GPATCH2: variants seen among roughly 807,000 people sequenced by gnomAD.
GPATCH2 encodes G patch domain-containing protein 2.
In GPATCH2, 51 loss-of-function variants were observed where a neutral mutation model predicts 58.0. The observed-to-expected ratio is 0.88, with a 90% CI of 0.70 to 1.11. The LOEUF (loss-of-function observed/expected upper bound fraction) is 1.11. Among genes scored for constraint, GPATCH2 ranks in the 50% most tolerant of loss-of-function variants. The probability of loss-of-function intolerance (pLI) is 0.00; values close to 1 mark genes in which losing one functional copy is unlikely to be tolerated. For synonymous variants in GPATCH2, 222 were observed against 218.5 expected, an observed-to-expected ratio of 1.02 and a Z score of -0.14; for missense variants, 625 against 652.2, an observed-to-expected ratio of 0.96 and a Z score of 0.45.
intron 5 of GPATCH2, among the ~76,000 whole-genome samples, chr1:217,529,993 A>C (rs1012235846): frequency 6.6e-6 from 1 of 152,246 alleles, no homozygotes; most frequent in Admixed American, 6.5e-5. Context: ...AAAAAATACA[A>C]TGTAATGTAT....
At chr1:217,561,517 T>C (rs1665924130) in intron 5 of GPATCH2, among the ~76,000 whole-genome samples, 1 of 152,240 alleles carries the variant, frequency 6.6e-6, no homozygotes, top group Non-Finnish European at 1.5e-5. Flanking sequence ...CCATATTCAG[T>C]AGAAACTCCT....
chr1:217,480,070 T>C (rs1661148614), intron 8 of GPATCH2, among the ~76,000 whole-genome samples: 1 of 151,282 alleles, frequency 6.6e-6, no homozygotes, highest in African/African-American at 2.4e-5. Context: ...GCTGGAGACT[T>C]TGGTCTGGGC....
intron 6 of GPATCH2, among the ~76,000 whole-genome samples, chr1:217,510,908 C>G (rs767468616): frequency 6.6e-6 from 1 of 151,966 alleles, no homozygotes; most frequent in African/African-American, 2.4e-5. Context: ...GCCTGGCCAA[C>G]ATGGTGAAAC....
At chr1:217,568,938 G>A (rs1666401085) in intron 5 of GPATCH2, among the ~76,000 whole-genome samples, 1 of 152,090 alleles carries the variant, frequency 6.6e-6, no homozygotes, top group Non-Finnish European at 1.5e-5. Context: ...ACAAGAAGGT[G>A]GAGCTGAAGG....
intron 6 of GPATCH2, among the ~76,000 whole-genome samples, chr1:217,505,433 C>G (rs1662503675): frequency 6.6e-6 from 1 of 152,060 alleles, no homozygotes; most frequent in Admixed American, 6.6e-5. Flanking sequence ...ACCAAAATCT[C>G]TGCAGATGCA....
intron 5 of GPATCH2, among the ~76,000 whole-genome samples, chr1:217,577,147 A>G (rs1002142588): frequency 1.4e-4 from 21 of 152,368 alleles, no homozygotes; most frequent in East Asian, 5.8e-4. Context: ...GCATCTGTCT[A>G]TAAGTACAGG....
At chr1:217,559,869 AGAGG>A (rs1401733504) in intron 5 of GPATCH2, among the ~76,000 whole-genome samples, 230 of 149,878 alleles carry the variant, frequency 1.5e-3, no homozygotes, top group African/African-American at 5.2e-3. Flanking sequence ...ACAAAAATCC[AGAGG>A]GAGAGAGAGA....
intron 5 of GPATCH2, among the ~76,000 whole-genome samples, chr1:217,561,626 C>T (rs1189471361): frequency 6.6e-6 from 1 of 152,168 alleles, no homozygotes; most frequent in Admixed American, 6.5e-5. Context: ...ATCGGTATTT[C>T]CTCTTCTGCC....
At chr1:217,574,205 T>C (rs1258831660) in intron 5 of GPATCH2, among the ~76,000 whole-genome samples, 1 of 152,204 alleles carries the variant, frequency 6.6e-6, no homozygotes, top group Non-Finnish European at 1.5e-5. Flanking sequence ...GAAAGTCTTT[T>C]GAAGGATAGT....
chr1:217,498,463 C>A, intron 6 of GPATCH2, 68 bp from the exon 7 acceptor site: 1 of 1,153,472 alleles, frequency 8.7e-7, no homozygotes, highest in Non-Finnish European at 1.3e-6. Context: ...CATGATCGAG[C>A]CGCATGTGCT....
intron 5 of GPATCH2, among the ~76,000 whole-genome samples, chr1:217,573,127 T>C (rs1304904540): frequency 6.6e-6 from 1 of 152,232 alleles, no homozygotes; most frequent in African/African-American, 2.4e-5. Flanking sequence ...AGATTACTTG[T>C]CTTTTGCACA....
At chr1:217,630,156 C>T (rs1669675453) in intron 1 of GPATCH2, among the ~76,000 whole-genome samples, 1 of 152,116 alleles carries the variant, frequency 6.6e-6, no homozygotes, top group Non-Finnish European at 1.5e-5. Flanking sequence ...AACTAGAAAT[C>T]CCCAAATCAG....
At chr1:217,544,410 C>A (rs1168546398) in intron 5 of GPATCH2, among the ~76,000 whole-genome samples, 11 of 152,092 alleles carry the variant, frequency 7.2e-5, no homozygotes, top group Non-Finnish European at 1.5e-4. Context: ...AACAAACAAA[C>A]CAAATTATGT....
intron 5 of GPATCH2, among the ~76,000 whole-genome samples, chr1:217,580,184 T>G (rs911878783): frequency 6.6e-6 from 1 of 152,214 alleles, no homozygotes; most frequent in East Asian, 1.9e-4. Flanking sequence ...TCCTTAAATA[T>G]TTTTGATGCA....
At chr1:217,580,748 C>CAAGTT (rs1571956317) in intron 5 of GPATCH2, among the ~76,000 whole-genome samples, 1 of 110,206 alleles carries the variant, frequency 9.1e-6, no homozygotes, top group Non-Finnish European at 1.9e-5. Flanking sequence ...GGCAGAATCT[C>CAAGTT]CTGTAATCCC....
Position 217,472,241 on chromosome 1 carries a change from C to A in GPATCH2, c.1277+19439G>T, listed in dbSNP as rs568266181. On this transcript the variant is annotated intron_variant, in intron 8 of 9. Coordinates refer to ENST00000366935, the MANE Select transcript of GPATCH2 (RefSeq NM_018040.5). ...ATGTGTTAAAACAGCAAGATCTTTTCAAAAATGACGTATCACTTAGTATTA... is the reference window on the plus strand; with the variant it reads ...ATGTGTTAAAACAGCAAGATCTTTTAAAAAATGACGTATCACTTAGTATTA... 1.5e-4 allele frequency among the ~76,000 whole-genome samples: 22 copies of A among 146,314 alleles called. No homozygotes were observed. The South Asian group carries it at 4.2e-3, about 28-fold the overall frequency.
chr1:217,579,383 AC>A (rs1242851656), intron 5 of GPATCH2, among the ~76,000 whole-genome samples: 1 of 152,042 alleles, frequency 6.6e-6, no homozygotes, highest in African/African-American at 2.4e-5. Context: ...GAAAAAAAAA[AC>A]AATAACAAAT....
chr1:217,508,318 A>C (rs1404504768), intron 6 of GPATCH2, among the ~76,000 whole-genome samples: 3 of 152,120 alleles, frequency 2.0e-5, no homozygotes, highest in Non-Finnish European at 1.5e-5. Context: ...GCTTTAAGCA[A>C]ACTCGATATT....
Position 217,614,143 on chromosome 1 carries a change from T to C in GPATCH2, c.833A>G (p.Gln278Arg). ...AGAAAAAAATATCATTTCAGTACCT[T>C]GTCTTCCCTCATCATTGGTAAACAA... is the stretch of plus-strand genomic sequence containing the variant. ...AGLFTNDEGR[Q>R]GDDEQSDWFY... Residue 278 changes from glutamine to arginine, a missense_variant and splice_region_variant, in exon 3 of 10, where the codon CAA becomes CGA. Coordinates refer to ENST00000366935, the MANE Select transcript of GPATCH2 (RefSeq NM_018040.5). 1 of 1,528,710 alleles carries C rather than the reference T, an allele frequency of 6.5e-7. No individual in the cohort carries two copies. The highest frequency in any genetic ancestry group is 9.1e-7 in the Non-Finnish European group (1 of 1,102,260). 94.7% of individuals were successfully genotyped at this position (1,528,710 alleles called of 1,614,324 possible).
Sources: allele counts gnomAD v4.1 joint callset (sites outside exome capture counted in the v4.1 genomes callset), GRCh38; gene constraint gnomAD v4.1.1; transcripts MANE v1.5; gene names NCBI Gene and HGNC (gene_info 2026-07-23, HGNC 2026-07-21).